PSPC1: variants seen among roughly 807,000 people sequenced by gnomAD.
PSPC1 encodes the protein paraspeckle protein 1.
A neutral mutation model predicts 51.6 loss-of-function variants in PSPC1; 14 were observed. That is an observed-to-expected ratio of 0.27 (90% CI 0.18 to 0.42). The LOEUF (loss-of-function observed/expected upper bound fraction) is 0.42. Among genes scored for constraint, PSPC1 ranks in the 10% least tolerant of loss-of-function variants. The probability of loss-of-function intolerance (pLI) is 1.00; values close to 1 mark genes in which losing one functional copy is unlikely to be tolerated. For synonymous variants in PSPC1, 193 were observed against 231.9 expected (o/e 0.83, Z 1.53); for missense variants, 406 against 701.1 (o/e 0.58, Z 4.75).
intron 6 of PSPC1, among the ~76,000 whole-genome samples, chr13:19,714,788 C>A: frequency 6.6e-6 from 1 of 152,058 alleles, no homozygotes; most frequent in East Asian, 1.9e-4. Context: ...AGCCACCATG[C>A]CCAGCCAACC....
At chr13:19,780,198 C>G (rs1889788246) in intron 1 of PSPC1, among the ~76,000 whole-genome samples, 1 of 126,730 alleles carries the variant, frequency 7.9e-6, no homozygotes, top group Non-Finnish European at 1.7e-5. Context: ...GGGGGGTCAG[C>G]CCCCCCGCCC....
intron 7 of PSPC1, among the ~76,000 whole-genome samples, chr13:19,677,530 C>T (rs1263339142): frequency 6.6e-6 from 1 of 152,170 alleles, no homozygotes; most frequent in African/African-American, 2.4e-5. Context: ...CCTACGAAGA[C>T]AGGCCAAGCT....
downstream of PSPC1, among the ~76,000 whole-genome samples, chr13:19,671,665 G>T (rs1474667946): frequency 6.6e-6 from 1 of 152,084 alleles, no homozygotes; most frequent in African/African-American, 2.4e-5. Flanking sequence ...ATAAGCACTT[G>T]GAATTATTTC....
At position 19,687,889 on chromosome 13, in the gene PSPC1, A is replaced by T. The variant is rs1376050313; in HGVS notation, c.1159-10066T>A. On this transcript the variant is annotated intron_variant and NMD_transcript_variant, in intron 6 of 7. Transcript: ENST00000471658. Reference sequence around the variant, plus strand: ...TTGGAGATTTTTTCAATGGGTCTTTATCACAGAATAAGATTTTAGATTTGT... The same window carrying T: ...TTGGAGATTTTTTCAATGGGTCTTTTTCACAGAATAAGATTTTAGATTTGT... Among the ~76,000 whole-genome samples, 3 of 152,064 alleles carry T rather than the reference A, an allele frequency of 2.0e-5. No homozygotes were observed. In the East Asian group the frequency reaches 5.8e-4, roughly 29 times the overall value.
intron 6 of PSPC1, among the ~76,000 whole-genome samples, chr13:19,696,650 A>G (rs1405807726): frequency 6.6e-6 from 1 of 152,212 alleles, no homozygotes; most frequent in African/African-American, 2.4e-5. Context: ...CCAAAGAGAA[A>G]GTCAGGCCAT....
intron 2 of PSPC1, among the ~76,000 whole-genome samples, chr13:19,770,563 G>A (rs753441515): frequency 1.4e-4 from 21 of 152,112 alleles, no homozygotes; most frequent in Non-Finnish European, 2.6e-4. Flanking sequence ...CAAGGTGGGT[G>A]GATCACCTGA....
chr13:19,703,282 G>C lies in PSPC1; in HGVS notation c.1465C>G (p.Gln489Glu). 6.2e-7 allele frequency: 1 copy of C among 1,614,088 alleles called. No homozygotes were observed. Among genetic ancestry groups the C allele is most frequent in the Non-Finnish European group, 8.5e-7 (1 of 1,179,944 alleles). Residue 489 changes from glutamine (Q) to glutamate (E), a missense_variant, in exon 9 of 9, where the codon CAA (glutamine) becomes GAA (glutamate). Around this residue, in one of 5 missense-constraint regions of PSPC1, gnomAD observed 34 missense variants for 158.6 expected, o/e 0.21. Transcript: ENST00000338910. ...GGACCTACACCACTCATTGGTGCTT[G>C]AGGGGTTTCAGAACCTGTTCTACTC... Reference protein sequence around the residue: ...MGSRTGSETPQAPMSGVGPVS... With the variant: ...MGSRTGSETPEAPMSGVGPVS...
intron 6 of PSPC1, among the ~76,000 whole-genome samples, chr13:19,724,213 A>C (rs1368987566): frequency 6.6e-6 from 1 of 152,262 alleles, no homozygotes; most frequent in Non-Finnish European, 1.5e-5. Context: ...CAAAACTGTA[A>C]CTTCTGCTCT....
chr13:19,776,608 C>T (rs1033221127), intron 1 of PSPC1, among the ~76,000 whole-genome samples: 23 of 151,764 alleles, frequency 1.5e-4, no homozygotes, highest in African/African-American at 4.8e-4. Context: ...CCTGGGTTCA[C>T]GCCATTCTCC....
At chr13:19,753,723 A>G (rs1241697127) in intron 3 of PSPC1, among the ~76,000 whole-genome samples, 2 of 152,212 alleles carry the variant, frequency 1.3e-5, no homozygotes, top group Non-Finnish European at 2.9e-5. Flanking sequence ...CTAGGAGAGA[A>G]GAAGGCTGTC....
intron 2 of PSPC1, among the ~76,000 whole-genome samples, chr13:19,762,180 C>T (rs529652001): frequency 5.0e-4 from 76 of 152,160 alleles, no homozygotes; most frequent in Non-Finnish European, 1.0e-3. Flanking sequence ...TCGATACAAA[C>T]AAGTTTATAA....
intron 6 of PSPC1, among the ~76,000 whole-genome samples, chr13:19,715,470 C>A (rs1051623656): frequency 1.3e-5 from 2 of 152,284 alleles, no homozygotes; most frequent in South Asian, 4.1e-4. Flanking sequence ...CCATCCAAAA[C>A]CCCAAGTGCT....
At chr13:19,740,878 CTT>C (rs546583892) in intron 5 of PSPC1, among the ~76,000 whole-genome samples, 10 of 143,764 alleles carry the variant, frequency 7.0e-5, no homozygotes, top group Admixed American at 1.4e-4. Context: ...TTCCAGAAAT[CTT>C]TTTTTTTTTT....
chr13:19,772,212 TAGA>T lies in PSPC1; in HGVS notation c.674+27_674+29del, dbSNP rs576953798. The T allele has an allele frequency of 1.4e-5, 22 of 1,594,462 alleles. No homozygotes were observed. The South Asian group carries it at 1.5e-4, about 11-fold the overall frequency. On this transcript the variant is annotated intron_variant, in intron 2 of 8. Transcript: ENST00000338910. ...AGAGAGAAGCCCATATGTAACTGGA[TAGA>T]AGAAGGACAAGATATTTAAAACTTA...
chr13:19,759,861 C>CA (rs60889099), intron 2 of PSPC1, among the ~76,000 whole-genome samples: 106,642 of 131,740 alleles, frequency 0.81, 43,495 homozygotes, highest in East Asian at 0.91. Context: ...GACTCCATCA[C>CA]AAAAAAAAAA....
downstream of PSPC1, among the ~76,000 whole-genome samples, chr13:19,673,918 G>A (rs748022553): frequency 2.2e-4 from 33 of 152,328 alleles, no homozygotes; most frequent in Non-Finnish European, 3.2e-4. Context: ...TCAAGTGTAC[G>A]CAGCACAGCT....
intron 6 of PSPC1, among the ~76,000 whole-genome samples, chr13:19,715,796 G>A (rs1882019183): frequency 6.6e-6 from 1 of 152,056 alleles, no homozygotes; most frequent in East Asian, 1.9e-4. Context: ...GATGGATCAC[G>A]AGGTCAAGAG....
intron 6 of PSPC1, among the ~76,000 whole-genome samples, chr13:19,726,689 G>A (rs1593631682): frequency 6.6e-6 from 1 of 151,746 alleles, no homozygotes; most frequent in Non-Finnish European, 1.5e-5. Flanking sequence ...AGGACTGCTT[G>A]AGCCCAGCCT....
chr13:19,782,254 C>G lies in PSPC1; in HGVS notation c.372+132G>C. 1.5e-6 allele frequency: 2 copies of G among 1,362,866 alleles called. No individual in the cohort carries two copies. Among genetic ancestry groups the G allele is most frequent in the Non-Finnish European group, 1.9e-6 (2 of 1,039,328 alleles). 84.4% of individuals were successfully genotyped at this position (1,362,866 alleles called of 1,614,324 possible). ...AGCGGCCAACCCCGCACAGAGGAAT[C>G]GATGAGGCCGAGCGGCGCCACGGTT... On this transcript the variant is annotated intron_variant, in intron 1 of 8. Coordinates refer to ENST00000338910, the MANE Select transcript of PSPC1 (RefSeq NM_001354909.2). The surrounding 1 kb of genome is among the most constrained non-coding windows in gnomAD (Gnocchi z 4.5).
Sources: allele counts gnomAD v4.1 joint callset (sites outside exome capture counted in the v4.1 genomes callset), GRCh38; gene constraint gnomAD v4.1.1; regional missense constraint gnomAD v4.1.1; non-coding constraint Gnocchi (gnomAD v3.1); transcripts MANE v1.5; gene names NCBI Gene and HGNC (gene_info 2026-07-23, HGNC 2026-07-21).